Variants in CDHR1 observed in about 807,000 individuals in gnomAD.
CDHR1 encodes cadherin-related family member 1.
CDHR1 carries 61 observed loss-of-function variants against 72.1 expected under a neutral mutation model. That is an observed-to-expected ratio of 0.85 (90% CI 0.69 to 1.05). The LOEUF is 1.05. CDHR1 is among the 50% of genes least tolerant of loss of function. The pLI, the probability that CDHR1 is intolerant of heterozygous loss-of-function variation, is 0.00. For missense variants in CDHR1, 1,186 were observed against 1,115.7 expected (o/e 1.06, Z -0.90); for synonymous variants, 470 against 448.1 (o/e 1.05, Z -0.62).
chr10:84,213,052 C>T (rs540855934), intron 15 of CDHR1, 39 bp from the exon 16 acceptor site: 92 of 1,614,010 alleles, frequency 5.7e-5, no homozygotes, highest in Non-Finnish European at 7.5e-5. Flanking sequence ...CAAGGATTGT[C>T]CCCAAAGCCC....
At position 84,197,181 on chromosome 10, in the gene CDHR1, G is replaced by T. The variant is rs1446105029; in HGVS notation, c.297+531G>T. Among the ~76,000 whole-genome samples the T allele has an allele frequency of 2.6e-5, 4 of 152,138 alleles. No homozygotes were observed. The East Asian group carries it at 5.8e-4, about 22-fold the overall frequency. ...TCAGCTGTGGGGATGCTGCCAGCTC[G>T]TGACAGCCTCCACTAGCTGCAGGAC... On this transcript the variant is annotated intron_variant, in intron 3 of 16. Transcript: ENST00000623527.
At chr10:84,204,217 G>C (rs115065543) in intron 8 of CDHR1, among the ~76,000 whole-genome samples, 2,033 of 152,262 alleles carry the variant, frequency 0.013, 52 homozygotes, top group African/African-American at 0.047. Context: ...GGGAGCAGTA[G>C]AGGCAAGGGC....
At chr10:84,203,251 C>A in intron 8 of CDHR1, 128 bp downstream of exon 8, 4 of 1,204,730 alleles carry the variant, frequency 3.3e-6, no homozygotes, top group Non-Finnish European at 4.8e-6. Flanking sequence ...CAGAGGCCAG[C>A]TCTGGACTCA....
chr10:84,205,706 A>C, intron 9 of CDHR1, 121 bp from the exon 10 acceptor site: 1 of 724,572 alleles, frequency 1.4e-6, no homozygotes, highest in Non-Finnish European at 2.5e-6. Flanking sequence ...GACAAGACAC[A>C]GATGACAGGA....
At position 84,194,752 on chromosome 10, in the gene CDHR1, G is replaced by A. The variant is rs1461301665; in HGVS notation, c.-9G>A. On this transcript the variant is annotated 5_prime_UTR_variant, in exon 1 of 17. Transcript: ENST00000623527. ...GCGGCGGCAGGCGACACTCCGCGCC[G>A]GCGGAGACATGAGGCGCTGCCGGTG... 1.5e-5 allele frequency: 23 copies of A among 1,502,364 alleles called. No homozygotes were observed. In the South Asian group the frequency reaches 2.7e-4, roughly 18 times the overall value. 93.1% of individuals were successfully genotyped at this position (1,502,364 alleles called of 1,614,324 possible).
chr10:84,202,496 A>G (rs534034155), intron 7 of CDHR1, among the ~76,000 whole-genome samples: 2 of 152,318 alleles, frequency 1.3e-5, no homozygotes, highest in South Asian at 2.1e-4. Flanking sequence ...CCTGGCTTAC[A>G]GGCCATCCCA....
At chr10:84,198,725 C>T (rs1424011530) in intron 4 of CDHR1, among the ~76,000 whole-genome samples, 2 of 152,244 alleles carry the variant, frequency 1.3e-5, no homozygotes, top group African/African-American at 4.8e-5. Flanking sequence ...CTGCTGCTAT[C>T]ACCTTGAGGA....
chr10:84,212,255 T>C lies in CDHR1; in HGVS notation c.1630T>C (p.Tyr544His), dbSNP rs2132830851. 2 of 1,614,204 alleles carry C rather than the reference T, an allele frequency of 1.2e-6. No individual in the cohort carries two copies. The highest frequency in any genetic ancestry group is 1.6e-4 in the Middle Eastern group (1 of 6,062). Reference sequence around the variant, plus strand: ...CCTGGACGCTGAGGCCACTGCCAGGTACAACTTCTATGTGAAGGCAGAGGA... The same window carrying C: ...CCTGGACGCTGAGGCCACTGCCAGGCACAACTTCTATGTGAAGGCAGAGGA... ...ASLDAEATAR[Y>H]NFYVKAEDME... The change falls in exon 15 of 17, where the codon TAC (tyrosine) becomes CAC (histidine). Residue 544 changes from tyrosine to histidine, a missense_variant. Transcript: ENST00000623527.
At chr10:84,204,673 C>T in intron 9 of CDHR1, 68 bp downstream of exon 9, 3 of 1,048,780 alleles carry the variant, frequency 2.9e-6, no homozygotes, top group Non-Finnish European at 3.0e-6. Context: ...GTTCCTCAAC[C>T]TCTCTAGATT....
At position 84,201,814 on chromosome 10, in the gene CDHR1, A is replaced by T. The variant is rs1363547819; in HGVS notation, c.533A>T (p.His178Leu). Reference sequence around the variant, plus strand: ...GCCCCCTAATTCTTATAGAACCTGCACTCCCCATTTGCCGTGGACCGCCAC... The same window carrying T: ...GCCCCCTAATTCTTATAGAACCTGCTCTCCCCATTTGCCGTGGACCGCCAC... ...GSVTYFLQNL[H>L]SPFAVDRHSG... Residue 178 changes from histidine to leucine, a missense_variant, in exon 7 of 17, where the codon CAC (histidine) becomes CTC (leucine). By Grantham distance (99) the His-to-Leu change is moderately conservative. Transcript: ENST00000623527. 1 of 1,609,782 alleles carries T rather than the reference A, an allele frequency of 6.2e-7. No homozygotes were observed. Among genetic ancestry groups the T allele is most frequent in the Non-Finnish European group, 8.5e-7 (1 of 1,179,844 alleles).
intron 8 of CDHR1, among the ~76,000 whole-genome samples, chr10:84,203,964 G>A (rs1589299778): frequency 6.6e-6 from 1 of 152,156 alleles, no homozygotes; most frequent in Non-Finnish European, 1.5e-5. Flanking sequence ...GTTGACCAGA[G>A]AGAAAGGCTT....
At position 84,208,800 on chromosome 10, in the gene CDHR1, C is replaced by G; in HGVS notation, c.1239C>G (p.Val413=). 6.2e-7 allele frequency: 1 copy of G among 1,614,202 alleles called. No homozygotes were observed. Among genetic ancestry groups the G allele is most frequent in the Non-Finnish European group, 8.5e-7 (1 of 1,180,020 alleles). The part of the protein sequence containing the change: ...RGIFRVVPQT[V]LNEAQVTIIV... ...TCTTCCGAGTGGTTCCACAGACAGT[C>G]CTGAATGAAGCCCAAGTCACAATCA... Residue 413 remains valine (V), a synonymous_variant, in exon 12 of 17, where the codon GTC becomes GTG. Coordinates refer to ENST00000623527, the MANE Select transcript of CDHR1 (RefSeq NM_033100.4).
intron 10 of CDHR1, among the ~76,000 whole-genome samples, chr10:84,207,422 G>C (rs1373552977): frequency 1.3e-5 from 2 of 152,148 alleles, no homozygotes; most frequent in Non-Finnish European, 2.9e-5. Flanking sequence ...ATCTGAATGA[G>C]GGGTGGGATG....
At chr10:84,200,547 CCT>C in intron 5 of CDHR1, 52 bp from the exon 6 acceptor site, 1 of 1,276,200 alleles carries the variant, frequency 7.8e-7, no homozygotes, top group Non-Finnish European at 1.1e-6. Context: ...CCTCTGTCCC[CCT>C]GAGAATGCTG....
Position 84,215,940 on chromosome 10 carries a change from T to C in CDHR1, c.*1319T>C, listed in dbSNP as rs1842419514. On this transcript the variant is annotated 3_prime_UTR_variant, in exon 17 of 17. Coordinates refer to ENST00000623527, the MANE Select transcript of CDHR1 (RefSeq NM_033100.4). ...CTTTAATTTGCCAAGATGAAGAAAATGAGTTCTCAAGGAGGGAATGCTTTG... is the reference window on the plus strand; with the variant it reads ...CTTTAATTTGCCAAGATGAAGAAAACGAGTTCTCAAGGAGGGAATGCTTTG... 1 of 985,332 alleles carries C rather than the reference T, an allele frequency of 1.0e-6. No individual in the cohort carries two copies. Among genetic ancestry groups the C allele is most frequent in the Non-Finnish European group, 1.2e-6 (1 of 829,942 alleles). 61.0% of individuals were successfully genotyped at this position (985,332 alleles called of 1,614,324 possible). A position where few individuals can be genotyped will look rare whatever the true frequency, so the allele number is the denominator to read the frequency against.
Position 84,217,946 on chromosome 10 carries a change from A to G in CDHR1, c.*3325A>G. 1.0e-6 allele frequency: 1 copy of G among 985,480 alleles called. No individual in the cohort carries two copies. The highest frequency in any genetic ancestry group is 1.2e-6 in the Non-Finnish European group (1 of 829,944). 61.0% of individuals were successfully genotyped at this position (985,480 alleles called of 1,614,324 possible). On this transcript the variant is annotated 3_prime_UTR_variant, in exon 17 of 17. Transcript: ENST00000623527. ...CAGCTGTCCCTCAGAATCCTGCTAG[A>G]AAAGTGTGATCAGAGCTGGGAAGGA...
chr10:84,214,381 C>A lies in CDHR1; in HGVS notation c.2340C>A (p.Asn780Lys). Residue 780 changes from asparagine (N) to lysine (K), a missense_variant, in exon 17 of 17, where the codon AAC (asparagine) becomes AAA (lysine). Transcript: ENST00000623527. ...KEKPPNENCN[N>K]NSPESSLLPR... The stretch of plus-strand genomic sequence containing the variant: ...AACCTCCCAATGAGAACTGTAACAA[C>A]AACAGCCCAGAAAGCTCTCTGCTCC... 1 of 1,614,144 alleles carries A rather than the reference C, an allele frequency of 6.2e-7. No homozygotes were observed. The highest frequency in any genetic ancestry group is 8.5e-7 in the Non-Finnish European group (1 of 1,180,036).
intron 12 of CDHR1, among the ~76,000 whole-genome samples, chr10:84,210,513 C>T (rs1452098814): frequency 2.0e-5 from 3 of 152,112 alleles, no homozygotes; most frequent in East Asian, 1.9e-4. Context: ...GTGATCCACC[C>T]GCCTTGGCCT....
At position 84,211,771 on chromosome 10, in the gene CDHR1, G is replaced by C. The variant is rs868546468; in HGVS notation, c.1553+56G>C. ...TTGGGCAAGGGGATTGGAAGGCTGA[G>C]GGTGGAGGAGGTCTGTGGCAGAGGC... On this transcript the variant is annotated intron_variant, in intron 14 of 16. Transcript: ENST00000623527. 48 of 1,460,792 alleles carry C rather than the reference G, an allele frequency of 3.3e-5. No individual in the cohort carries two copies. The Admixed American group carries it at 5.7e-4, about 17-fold the overall frequency. 90.5% of individuals were successfully genotyped at this position (1,460,792 alleles called of 1,614,324 possible). A position where few individuals can be genotyped will look rare whatever the true frequency, so the allele number is the denominator to read the frequency against.
Sources: allele counts gnomAD v4.1 joint callset (sites outside exome capture counted in the v4.1 genomes callset), GRCh38; gene constraint gnomAD v4.1.1; transcripts MANE v1.5; gene names NCBI Gene and HGNC (gene_info 2026-07-23, HGNC 2026-07-21).